The following MEGF11 variants were observed in gnomAD, a reference collection of about 807,000 sequenced individuals.
MEGF11 encodes the protein multiple epidermal growth factor-like domains protein 11.
Under a neutral mutation model 146.6 loss-of-function variants are expected in MEGF11, and 126 were observed. The observed-to-expected ratio is 0.86, with a 90% CI of 0.74 to 1.00. The LOEUF (loss-of-function observed/expected upper bound fraction) is 1.00, where lower values mean the gene tolerates loss of function less well. Ranked by LOEUF, MEGF11 falls within the 50% of genes least tolerant of loss-of-function variation. MEGF11 has a pLI of 0.00. For missense variants in MEGF11, 1,509 were observed against 1,521.2 expected, an observed-to-expected ratio of 0.99 and a Z score of 0.13; for synonymous variants, 532 against 583.4, an observed-to-expected ratio of 0.91 and a Z score of 1.27.
At chr15:66,215,618 C>T (rs948036010) in intron 1 of MEGF11, among the ~76,000 whole-genome samples, 1 of 152,134 alleles carries the variant, frequency 6.6e-6, no homozygotes, top group African/African-American at 2.4e-5. Flanking sequence ...ACCTCCCCAC[C>T]CTCAAAAATG....
Position 65,929,854 on chromosome 15 carries a change from A to G in MEGF11, c.1438T>C (p.Cys480Arg). The G allele has an allele frequency of 6.3e-7, 1 of 1,598,232 alleles. No homozygotes were observed. The highest frequency in any genetic ancestry group is 8.5e-7 in the Non-Finnish European group (1 of 1,172,708). Residue 480 changes from cysteine to arginine, a missense_variant, in exon 12 of 26, where the codon TGT becomes CGT. Physicochemically the swap from Cys to Arg is radical, Grantham distance 180 (BLOSUM62 -3). Transcript: ENST00000395614. ...GWQGLDCTLP[C>R]PSGTWGLNCN... ...TTCAGGCCCCACGTCCCACTGGGACATGGCAGGGTGCAGTCCAGGCCCTGC... is the reference window on the plus strand; with the variant it reads ...TTCAGGCCCCACGTCCCACTGGGACGTGGCAGGGTGCAGTCCAGGCCCTGC...
intron 1 of MEGF11, among the ~76,000 whole-genome samples, chr15:66,170,959 A>G (rs1210895217): frequency 6.6e-6 from 1 of 152,208 alleles, no homozygotes; most frequent in Non-Finnish European, 1.5e-5. Context: ...GGACCACCAA[A>G]GGTGGACTTG....
intron 7 of MEGF11, among the ~76,000 whole-genome samples, chr15:65,973,610 G>A (rs2081363047): frequency 6.6e-6 from 1 of 152,096 alleles, no homozygotes; most frequent in Non-Finnish European, 1.5e-5. Context: ...CAGCCTGGGC[G>A]ACACAGCCAA....
intron 5 of MEGF11, among the ~76,000 whole-genome samples, chr15:66,044,492 A>C (rs954223420): frequency 6.6e-6 from 1 of 152,170 alleles, no homozygotes; most frequent in Non-Finnish European, 1.5e-5. Context: ...GGAGGTGCCC[A>C]TAATTCTCAA....
Position 65,928,466 on chromosome 15 carries a change from T to A in MEGF11, c.1634A>T (p.Asp545Val). 6.2e-7 allele frequency: 1 copy of A among 1,604,170 alleles called. No homozygotes were observed. Among genetic ancestry groups the A allele is most frequent in the Non-Finnish European group, 8.5e-7 (1 of 1,174,274 alleles). The change falls in exon 13 of 26, where the codon GAC (aspartate) becomes GTC (valine). Residue 545 changes from aspartate to valine, a missense_variant. Transcript: ENST00000395614. ...GCAGCAGCAGTGGCCTGTGACGGGG[T>A]CACATCCATCAGCATGGCTGCAGTC... Reference protein sequence around the residue: ...HCDCSHADGCDPVTGHCCCLA... With the variant: ...HCDCSHADGCVPVTGHCCCLA...
intron 5 of MEGF11, among the ~76,000 whole-genome samples, chr15:66,047,218 G>C (rs2084244660): frequency 2.0e-5 from 3 of 152,196 alleles, no homozygotes; most frequent in Admixed American, 1.3e-4. Flanking sequence ...CTGCTGGGCA[G>C]TTGTCAATAG....
At chr15:66,077,494 C>T (rs2085642544) in intron 5 of MEGF11, among the ~76,000 whole-genome samples, 1 of 152,188 alleles carries the variant, frequency 6.6e-6, no homozygotes, top group East Asian at 1.9e-4. Context: ...TCTCAAGCAT[C>T]CAACCCAGAG....
At chr15:66,013,499 C>G (rs1425568780) in intron 5 of MEGF11, among the ~76,000 whole-genome samples, 1 of 152,166 alleles carries the variant, frequency 6.6e-6, no homozygotes, top group Non-Finnish European at 1.5e-5. Flanking sequence ...CTGTGCTGGG[C>G]ACCTGACATG....
chr15:65,903,903 A>G (rs919496200), intron 24 of MEGF11, among the ~76,000 whole-genome samples: 1 of 152,132 alleles, frequency 6.6e-6, no homozygotes, highest in African/African-American at 2.4e-5. Flanking sequence ...CTGCTGGTAC[A>G]TTTGCTTACA....
intron 5 of MEGF11, among the ~76,000 whole-genome samples, chr15:66,093,070 T>C (rs1263947906): frequency 6.6e-6 from 1 of 152,196 alleles, no homozygotes; most frequent in Admixed American, 6.5e-5. Flanking sequence ...TGGCCCTGTT[T>C]CCCAGTCATG....
intron 4 of MEGF11, among the ~76,000 whole-genome samples, chr15:66,109,136 G>A (rs987324866): frequency 1.3e-5 from 2 of 152,094 alleles, no homozygotes; most frequent in Admixed American, 6.5e-5. Context: ...AAACCCAGCC[G>A]CCAGACCCCA....
intron 5 of MEGF11, among the ~76,000 whole-genome samples, chr15:66,040,493 C>T (rs1183062970): frequency 6.6e-6 from 1 of 151,970 alleles, no homozygotes; most frequent in South Asian, 2.1e-4. Context: ...TTGGGTACAC[C>T]GGGAAGTATA....
rs776153423 is a variant in MEGF11, at chr15:65,917,947, C to T, written c.2086+19G>A. On this transcript the variant is annotated intron_variant, in intron 16 of 25. Transcript: ENST00000395614. The stretch of plus-strand genomic sequence containing the variant: ...GGCCTGACCCCAGGTAGGGGCATTC[C>T]CAGGTGGCAGCAGCTTACCCTGTGA... 1.2e-6 allele frequency: 2 copies of T among 1,613,816 alleles called. No homozygotes were observed. Among genetic ancestry groups the T allele is most frequent in the South Asian group, 1.1e-5 (1 of 91,074 alleles).
intron 4 of MEGF11, among the ~76,000 whole-genome samples, chr15:66,099,333 C>G (rs2086689110): frequency 6.6e-6 from 1 of 152,016 alleles, no homozygotes; most frequent in African/African-American, 2.4e-5. Flanking sequence ...CAGGCACGCG[C>G]CACCAAGCCC....
intron 5 of MEGF11, among the ~76,000 whole-genome samples, chr15:66,058,936 C>G (rs1454306338): frequency 6.6e-6 from 1 of 152,122 alleles, no homozygotes; most frequent in Admixed American, 6.5e-5. Flanking sequence ...TACCCCAGAC[C>G]ACCTCAGCCC....
intron 1 of MEGF11, among the ~76,000 whole-genome samples, chr15:66,152,048 C>T (rs572763521): frequency 2.0e-5 from 3 of 152,378 alleles, no homozygotes; most frequent in East Asian, 1.9e-4. Flanking sequence ...GCCCCAGCCT[C>T]GGCGCCTCTC....
intron 5 of MEGF11, among the ~76,000 whole-genome samples, chr15:66,045,781 G>T (rs575168491): frequency 6.6e-6 from 1 of 152,102 alleles, no homozygotes; most frequent in African/African-American, 2.4e-5. Flanking sequence ...TCTCATTTGA[G>T]CCTCCCTACA....
intron 1 of MEGF11, among the ~76,000 whole-genome samples, chr15:66,247,977 C>T (rs1389741636): frequency 3.4e-5 from 5 of 147,226 alleles, no homozygotes; most frequent in South Asian, 4.2e-4. Flanking sequence ...AGTGAAACTC[C>T]GTCTCCAAAA....
chr15:65,930,810 G>C lies in MEGF11; in HGVS notation c.1408+13C>G, dbSNP rs756247135. 1 of 1,598,306 alleles carries C rather than the reference G, an allele frequency of 6.3e-7. No individual in the cohort carries two copies. Among genetic ancestry groups the C allele is most frequent in the Non-Finnish European group, 8.5e-7 (1 of 1,170,456 alleles). ...ATATGTCAGGGATGGGCTTGGGAGA[G>C]AGGGCACATTACCTTCCTTGCAGGT... On this transcript the variant is annotated intron_variant, in intron 11 of 25. Coordinates refer to ENST00000395614, the MANE Select transcript of MEGF11 (RefSeq NM_001385028.1).
Sources: gnomAD v4.1 joint callset for allele counts (sites outside exome capture counted in the v4.1 genomes callset) on GRCh38, gnomAD v4.1.1 for gene constraint, MANE v1.5 for transcripts, NCBI Gene and HGNC (gene_info 2026-07-23, HGNC 2026-07-21) for gene names.